The following CMTM8 variants were observed in gnomAD, a reference collection of about 807,000 sequenced individuals.
CMTM8 encodes the protein CKLF like MARVEL transmembrane domain containing 8, also known as CKLF-like MARVEL transmembrane domain-containing protein 8.
CMTM8 carries 12 observed loss-of-function variants against 18.6 expected under a neutral mutation model. That is an observed-to-expected ratio of 0.65 (90% CI 0.41 to 1.05). The LOEUF (loss-of-function observed/expected upper bound fraction) is 1.05. Among genes scored for constraint, CMTM8 ranks in the 50% least tolerant of loss-of-function variants. The pLI is 0.00. For missense variants in CMTM8, 217 were observed against 227.2 expected (o/e 0.95, Z 0.29); for synonymous variants, 87 against 90.6 (o/e 0.96, Z 0.23).
At chr3:32,262,648 T>C (rs545741030) in intron 1 of CMTM8, among the ~76,000 whole-genome samples, 3 of 152,360 alleles carry the variant, frequency 2.0e-5, no homozygotes, top group Non-Finnish European at 2.9e-5. Flanking sequence ...AACTTCCATC[T>C]GTAATAATGA....
intron 1 of CMTM8, among the ~76,000 whole-genome samples, chr3:32,339,223 G>C (rs1321576810): frequency 6.6e-6 from 1 of 152,182 alleles, no homozygotes; most frequent in Non-Finnish European, 1.5e-5. Flanking sequence ...TTGCCTGCTG[G>C]GAAAATCAGG....
chr3:32,295,078 AAAC>A, intron 1 of CMTM8, among the ~76,000 whole-genome samples: 1 of 152,202 alleles, frequency 6.6e-6, no homozygotes, highest in Non-Finnish European at 1.5e-5. Context: ...AAATGAAACA[AAAC>A]AACAAACTTT....
chr3:32,286,889 G>A (rs984005241), intron 1 of CMTM8, among the ~76,000 whole-genome samples: 55 of 152,270 alleles, frequency 3.6e-4, no homozygotes, highest in African/African-American at 1.3e-3. Flanking sequence ...GCTTGCTGTA[G>A]CGTGTTGTCC....
chr3:32,298,580 T>C (rs1002753407), intron 1 of CMTM8, among the ~76,000 whole-genome samples: 2 of 151,610 alleles, frequency 1.3e-5, no homozygotes, highest in African/African-American at 4.8e-5. Flanking sequence ...ATTGAAACAA[T>C]CCTGACTTCA....
chr3:32,289,491 A>G (rs1435688062), intron 1 of CMTM8, among the ~76,000 whole-genome samples: 1 of 152,178 alleles, frequency 6.6e-6, no homozygotes, highest in Non-Finnish European at 1.5e-5. Context: ...GCCTTGAAGG[A>G]TGGATAGTAG....
chr3:32,333,363 A>G (rs992505907), intron 1 of CMTM8, among the ~76,000 whole-genome samples: 1 of 152,204 alleles, frequency 6.6e-6, no homozygotes, highest in Non-Finnish European at 1.5e-5. Flanking sequence ...GCTGCTCAGT[A>G]TGTTCTGTGG....
At chr3:32,275,690 C>T (rs1022010211) in intron 1 of CMTM8, among the ~76,000 whole-genome samples, 8 of 130,884 alleles carry the variant, frequency 6.1e-5, no homozygotes, top group Non-Finnish European at 1.1e-4. Context: ...TGCTGTGTCA[C>T]CCAGGCTGGA....
At chr3:32,357,238 C>T (rs879546837) in intron 1 of CMTM8, 135 bp from the exon 2 acceptor site, 38 of 789,410 alleles carry the variant, frequency 4.8e-5, no homozygotes, top group Non-Finnish European at 7.2e-5. Context: ...GAGCGAGACT[C>T]CATCTCAAAT....
chr3:32,319,074 A>ATATATATGTATTTTTTTTTTTTT lies in CMTM8; in HGVS notation c.148-38298_148-38297insATATATGTATTTTTTTTTTTTTT. 1.3e-4 allele frequency among the ~76,000 whole-genome samples: 4 copies of ATATATATGTATTTTTTTTTTTTT among 31,530 alleles called. 1 individual carries two copies. The highest frequency in any genetic ancestry group is 2.0e-4 in the Non-Finnish European group (4 of 19,618). The allele number at this position is 31,530 out of a possible 152,430, so 20.7% of individuals were successfully genotyped here. A position where few individuals can be genotyped will look rare whatever the true frequency, so the allele number is the denominator to read the frequency against. On this transcript the variant is annotated intron_variant, in intron 1 of 3. Coordinates refer to ENST00000307526, the MANE Select transcript of CMTM8 (RefSeq NM_178868.5). ...TGTATATACATATATATATATATATATTTTTTTTTTTTTTTTTTTTTGAGA... is the reference window on the plus strand; with the variant it reads ...TGTATATACATATATATATATATATATATATATGTATTTTTTTTTTTTTTTTTTTTTTTTTTTTTTTTTTGAGA...
chr3:32,370,103 TTGTGGTTTGTTACAA>T lies in CMTM8; in HGVS notation c.*138_*152del. 2.1e-6 allele frequency: 1 copy of T among 482,462 alleles called. No individual in the cohort carries two copies. Among genetic ancestry groups the T allele is most frequent in the Non-Finnish European group, 3.6e-6 (1 of 278,066 alleles). 29.9% of individuals were successfully genotyped at this position (482,462 alleles called of 1,614,324 possible). A position where few individuals can be genotyped will look rare whatever the true frequency, so the allele number is the denominator to read the frequency against. Reference sequence around the variant, plus strand: ...TTATATTCTTAAATTTGCTCACAAATTGTGGTTTGTTACAATTAAACTGGATACTTATTTGCAAAG... The same window carrying T: ...TTATATTCTTAAATTTGCTCACAAATTTAAACTGGATACTTATTTGCAAAG... On this transcript the variant is annotated 3_prime_UTR_variant, in exon 4 of 4. Coordinates refer to ENST00000307526, the MANE Select transcript of CMTM8 (RefSeq NM_178868.5).
chr3:32,245,186 C>T (rs1447649894), intron 1 of CMTM8, among the ~76,000 whole-genome samples: 4 of 152,116 alleles, frequency 2.6e-5, no homozygotes, highest in African/African-American at 9.7e-5. Flanking sequence ...ATATACCTAC[C>T]CCCAGAAAAA....
At chr3:32,321,213 C>T (rs1300331721) in intron 1 of CMTM8, among the ~76,000 whole-genome samples, 2 of 151,974 alleles carry the variant, frequency 1.3e-5, no homozygotes, top group African/African-American at 2.4e-5. Flanking sequence ...AGAAACGTGA[C>T]GCTGGTTAAA....
intron 1 of CMTM8, among the ~76,000 whole-genome samples, chr3:32,286,098 G>A (rs7356098): frequency 0.037 from 5,614 of 152,268 alleles, 352 homozygotes; most frequent in African/African-American, 0.13. Flanking sequence ...GACTTTTTCC[G>A]TCAAGGGTCA....
intron 1 of CMTM8, among the ~76,000 whole-genome samples, chr3:32,250,010 T>G (rs553383799): frequency 6.6e-6 from 1 of 152,352 alleles, no homozygotes; most frequent in South Asian, 2.1e-4. Context: ...GTTGTAGGTC[T>G]TATATTTAGG....
At chr3:32,369,154 C>CA (rs34801738) in intron 3 of CMTM8, among the ~76,000 whole-genome samples, 122 of 148,928 alleles carry the variant, frequency 8.2e-4, no homozygotes, top group African/African-American at 2.1e-3. Flanking sequence ...ACTAAAAATA[C>CA]AAAAAAAAAA....
At chr3:32,337,467 T>C (rs966138384) in intron 1 of CMTM8, among the ~76,000 whole-genome samples, 1 of 152,240 alleles carries the variant, frequency 6.6e-6, no homozygotes, top group African/African-American at 2.4e-5. Context: ...TGGCTGCAGC[T>C]TTACTTAATG....
chr3:32,299,926 G>A (rs889910635), intron 1 of CMTM8, among the ~76,000 whole-genome samples: 1 of 152,166 alleles, frequency 6.6e-6, no homozygotes, highest in African/African-American at 2.4e-5. Context: ...AGCAGCCACG[G>A]GTAATACATA....
chr3:32,295,660 T>G (rs1190923028), intron 1 of CMTM8, among the ~76,000 whole-genome samples: 1 of 151,972 alleles, frequency 6.6e-6, no homozygotes, highest in East Asian at 1.9e-4. Context: ...ATGACTGCCC[T>G]TCATGGAACC....
intron 1 of CMTM8, among the ~76,000 whole-genome samples, chr3:32,295,890 G>T (rs1484037868): frequency 6.6e-6 from 1 of 152,156 alleles, no homozygotes; most frequent in Admixed American, 6.5e-5. Flanking sequence ...TGGACCTCCA[G>T]TTCCTAAAAT....
Sources: gnomAD v4.1 joint callset for allele counts (sites outside exome capture counted in the v4.1 genomes callset) on GRCh38, gnomAD v4.1.1 for gene constraint, MANE v1.5 for transcripts, NCBI Gene and HGNC (gene_info 2026-07-23, HGNC 2026-07-21) for gene names.